ZBTB20: variants seen among roughly 807,000 people sequenced by gnomAD.
ZBTB20 encodes the protein zinc finger and BTB domain containing 20, also known as zinc finger and BTB domain-containing protein 20.
In ZBTB20, 9 loss-of-function variants were observed where a neutral mutation model predicts 56.9. That is an observed-to-expected ratio of 0.16 (90% CI 0.10 to 0.28). ZBTB20 has a LOEUF of 0.28. Among genes scored for constraint, ZBTB20 ranks in the 10% least tolerant of loss-of-function variants. The pLI is 1.00. For synonymous variants in ZBTB20, 417 were observed against 420.7 expected (o/e 0.99, Z 0.11); for missense variants, 655 against 1,003.0 (o/e 0.65, Z 4.69).
chr3:114,673,064 T>C (rs1396235246), intron 6 of ZBTB20, among the ~76,000 whole-genome samples: 1 of 152,146 alleles, frequency 6.6e-6, no homozygotes, highest in Non-Finnish European at 1.5e-5. Flanking sequence ...AATAAAACCA[T>C]ATAGGTGAAA....
rs574518890 is a variant in ZBTB20 at position 114,436,696 on chromosome 3, C to T, written c.-254-47591G>A. 2.6e-5 allele frequency among the ~76,000 whole-genome samples: 4 copies of T among 152,196 alleles called. No individual in the cohort carries two copies. In the South Asian group the frequency reaches 6.2e-4, roughly 24 times the overall value. ...TTTATTCACTATGTAAACCTATATT[C>T]CCTCCCTCTCTTTCCTCCAGGAACA... On this transcript the variant is annotated intron_variant, in intron 7 of 11. Transcript: ENST00000675478.
intron 4 of ZBTB20, among the ~76,000 whole-genome samples, chr3:114,852,414 C>T (rs963765948): frequency 3.9e-5 from 6 of 151,946 alleles, no homozygotes; most frequent in African/African-American, 9.7e-5. Flanking sequence ...CAGGCGCCCA[C>T]CACCATGCCC....
intron 2 of ZBTB20, among the ~76,000 whole-genome samples, chr3:115,069,317 T>C (rs1157013016): frequency 1.3e-5 from 2 of 152,152 alleles, no homozygotes; most frequent in Admixed American, 6.6e-5. Context: ...CTTTGTTTCC[T>C]CTGTTTTCAA....
intron 7 of ZBTB20, among the ~76,000 whole-genome samples, chr3:114,495,989 G>A (rs75486207): frequency 0.016 from 2,384 of 152,080 alleles, 86 homozygotes; most frequent in East Asian, 0.1. Flanking sequence ...TCCCTCTGTC[G>A]AAATCATAGT....
chr3:114,678,788 C>T (rs1015472619), intron 6 of ZBTB20, among the ~76,000 whole-genome samples: 3 of 152,110 alleles, frequency 2.0e-5, no homozygotes, highest in African/African-American at 7.2e-5. Context: ...TAATTTATTA[C>T]TTCATTAAAG....
chr3:114,697,717 T>A (rs2063131643), intron 5 of ZBTB20, among the ~76,000 whole-genome samples: 1 of 151,536 alleles, frequency 6.6e-6, no homozygotes, highest in South Asian at 2.1e-4. Flanking sequence ...TCTAATGAAT[T>A]CAGAACACTA....
chr3:115,068,209 A>G (rs931559271), intron 2 of ZBTB20, among the ~76,000 whole-genome samples: 1 of 151,906 alleles, frequency 6.6e-6, no homozygotes, highest in African/African-American at 2.4e-5. Context: ...TTATATAAAT[A>G]GTATGTATTG....
intron 8 of ZBTB20, among the ~76,000 whole-genome samples, chr3:114,386,064 A>G (rs1323775499): frequency 6.6e-6 from 1 of 152,154 alleles, no homozygotes; most frequent in South Asian, 2.1e-4. Flanking sequence ...ACACTACACC[A>G]TGAGCTCCTT....
chr3:115,024,365 T>C (rs2080331673), intron 2 of ZBTB20, among the ~76,000 whole-genome samples: 1 of 150,952 alleles, frequency 6.6e-6, no homozygotes, highest in Non-Finnish European at 1.5e-5. Context: ...GCAATATAAA[T>C]TGATAAGGCC....
chr3:114,445,693 A>C (rs996765904), intron 7 of ZBTB20: 1 of 152,172 alleles, frequency 6.6e-6, no homozygotes, highest in African/African-American at 2.4e-5. Flanking sequence ...GTCTAGAGAG[A>C]TTTTTGTAAA....
At chr3:114,477,057 G>C (rs1444023130) in intron 7 of ZBTB20, among the ~76,000 whole-genome samples, 1 of 152,200 alleles carries the variant, frequency 6.6e-6, no homozygotes, top group African/African-American at 2.4e-5. Flanking sequence ...CTAGAACACT[G>C]TTAGTGTGCA....
Position 114,339,473 on chromosome 3 carries a change from C to A in ZBTB20, c.1805-47G>T. On this transcript the variant is annotated intron_variant, in intron 11 of 11. Transcript: ENST00000675478. This position sits in a 1 kb window ranked among gnomAD's most constrained non-coding sequence, Gnocchi z 4.2. ...GCAAGCAGGACAGAGCGAGACATAGCAAGGGATAGAGAATGAAGGACAGGA... is the reference window on the plus strand; with the variant it reads ...GCAAGCAGGACAGAGCGAGACATAGAAAGGGATAGAGAATGAAGGACAGGA... 1 of 1,564,832 alleles carries A rather than the reference C, an allele frequency of 6.4e-7. No homozygotes were observed. Among genetic ancestry groups the A allele is most frequent in the Non-Finnish European group, 8.7e-7 (1 of 1,149,210 alleles).
chr3:114,996,147 C>T (rs1403852018), intron 2 of ZBTB20, among the ~76,000 whole-genome samples: 1 of 151,708 alleles, frequency 6.6e-6, no homozygotes, highest in Non-Finnish European at 1.5e-5. Flanking sequence ...AGGACACTGC[C>T]TTATCAAAAA....
At chr3:114,559,295 C>T (rs192595665) in intron 6 of ZBTB20, among the ~76,000 whole-genome samples, 1 of 152,284 alleles carries the variant, frequency 6.6e-6, no homozygotes, top group East Asian at 1.9e-4. Flanking sequence ...TAAATATGTG[C>T]TTTCCCTGCA....
intron 2 of ZBTB20, among the ~76,000 whole-genome samples, chr3:115,046,039 A>G (rs965265164): frequency 6.6e-6 from 1 of 152,174 alleles, no homozygotes. Flanking sequence ...CCAGAAAAAT[A>G]ATTTTAAAAC....
intron 2 of ZBTB20, among the ~76,000 whole-genome samples, chr3:115,055,682 A>G (rs1288764541): frequency 6.6e-6 from 1 of 152,016 alleles, no homozygotes; most frequent in Non-Finnish European, 1.5e-5. Context: ...GAAGACAGTA[A>G]AAGCTCAATG....
At position 114,785,999 on chromosome 3, in the gene ZBTB20, T is replaced by C. The variant is rs202208823; in HGVS notation, c.-343+15102A>G. 9.2e-5 allele frequency among the ~76,000 whole-genome samples: 14 copies of C among 152,288 alleles called. No homozygotes were observed. In the East Asian group the frequency reaches 2.5e-3, roughly 27 times the overall value. Reference sequence around the variant, plus strand: ...ACACTTTTGAAATCTACTTTTTTTTTCTTAATTTAATTTTAAGTTCTGGGA... The same window carrying C: ...ACACTTTTGAAATCTACTTTTTTTTCCTTAATTTAATTTTAAGTTCTGGGA... On this transcript the variant is annotated intron_variant, in intron 5 of 11. Transcript: ENST00000675478.
chr3:114,362,799 A>C (rs376324972), intron 10 of ZBTB20, among the ~76,000 whole-genome samples: 22 of 152,350 alleles, frequency 1.4e-4, no homozygotes, highest in African/African-American at 5.0e-4. Flanking sequence ...AGAGATGACC[A>C]ATCTATGATG....
chr3:114,753,388 CAT>C lies in ZBTB20; in HGVS notation c.-343+47711_-343+47712del, dbSNP rs1560209651. Among the ~76,000 whole-genome samples, 778 of 112,748 alleles carry C rather than the reference CAT, an allele frequency of 6.9e-3. 223 individuals are homozygous for C. Among genetic ancestry groups the C allele is most frequent in the South Asian group, 0.013 (45 of 3,516 alleles). The allele number at this position is 112,748 out of a possible 152,430, so 74.0% of individuals were successfully genotyped here. ...TGTATATATAATGTATATACACATA[CAT>C]GTATGTATATATATACACACACGTA... On this transcript the variant is annotated intron_variant, in intron 5 of 11. Coordinates refer to ENST00000675478, the MANE Select transcript of ZBTB20 (RefSeq NM_001348800.3).
Sources: gnomAD v4.1 joint callset for allele counts (sites outside exome capture counted in the v4.1 genomes callset) on GRCh38, gnomAD v4.1.1 for gene constraint, Gnocchi (gnomAD v3.1) non-coding constraint, MANE v1.5 for transcripts, NCBI Gene and HGNC (gene_info 2026-07-23, HGNC 2026-07-21) for gene names.